SLIT1: variants seen among roughly 807,000 people sequenced by gnomAD.
SLIT1 encodes the protein slit homolog 1 protein.
In SLIT1, 66 loss-of-function variants were observed where a neutral mutation model predicts 186.1. That is an observed-to-expected ratio of 0.35 (90% CI 0.29 to 0.44). The LOEUF is 0.44. Ranked by LOEUF, SLIT1 falls within the 20% of genes least tolerant of loss-of-function variation. The pLI is 1.00. For missense variants in SLIT1, 1,638 were observed against 2,037.4 expected (o/e 0.80, Z 3.77); for synonymous variants, 761 against 833.8 (o/e 0.91, Z 1.50).
intron 4 of SLIT1, among the ~76,000 whole-genome samples, chr10:97,098,047 C>T (rs965556426): frequency 5.9e-5 from 9 of 152,168 alleles, no homozygotes; most frequent in East Asian, 3.9e-4. Flanking sequence ...ATTCTGATTG[C>T]GCTGCCAGCT....
Position 97,166,562 on chromosome 10 carries a change from A to AAG in SLIT1, c.198-1673_198-1672insCT, listed in dbSNP as rs1243204698. On this transcript the variant is annotated intron_variant, in intron 1 of 36. Coordinates refer to ENST00000266058, the MANE Select transcript of SLIT1 (RefSeq NM_003061.3). ...AGGAAGGAAGGAAGGAAGGAAAGAG[A>AAG]GAGAGAGAGAAAGAAAGAAAGAAAG... Among the ~76,000 whole-genome samples the AAG allele has an allele frequency of 1.7e-4, 11 of 66,384 alleles. No homozygotes were observed. In the East Asian group the frequency reaches 3.3e-3, roughly 20 times the overall value. 43.6% of individuals were successfully genotyped at this position (66,384 alleles called of 152,430 possible).
chr10:97,053,283 C>T (rs1449621642), intron 13 of SLIT1, among the ~76,000 whole-genome samples: 13 of 152,206 alleles, frequency 8.5e-5, no homozygotes. Flanking sequence ...GACATTCTGC[C>T]AGCTGCTTAA....
intron 4 of SLIT1, among the ~76,000 whole-genome samples, chr10:97,120,525 A>T (rs2784938): frequency 6.6e-6 from 1 of 152,022 alleles, no homozygotes; most frequent in Non-Finnish European, 1.5e-5. Context: ...GCCGAAACGC[A>T]GTTTCCTGAC....
intron 4 of SLIT1, among the ~76,000 whole-genome samples, chr10:97,067,293 C>T (rs1464896376): frequency 6.6e-6 from 1 of 152,206 alleles, no homozygotes; most frequent in Non-Finnish European, 1.5e-5. Flanking sequence ...GCCCTTCCTC[C>T]ACTCCCTGTC....
intron 4 of SLIT1, among the ~76,000 whole-genome samples, chr10:97,143,198 C>A (rs1301447243): frequency 6.6e-6 from 1 of 152,200 alleles, no homozygotes; most frequent in Non-Finnish European, 1.5e-5. Flanking sequence ...CATAGCAGCA[C>A]TATTCACAAT....
intron 4 of SLIT1, among the ~76,000 whole-genome samples, chr10:97,124,316 CAA>C (rs1004087135): frequency 3.3e-5 from 5 of 152,150 alleles, no homozygotes; most frequent in African/African-American, 1.2e-4. Flanking sequence ...TTTGGACATT[CAA>C]AAGTGTTCTT....
chr10:97,093,071 C>T (rs1160078177), intron 4 of SLIT1, among the ~76,000 whole-genome samples: 1 of 152,210 alleles, frequency 6.6e-6, no homozygotes, highest in Non-Finnish European at 1.5e-5. Context: ...AAACTGCCCT[C>T]CCTGGATTCA....
At chr10:97,120,481 G>A (rs1001695243) in intron 4 of SLIT1, among the ~76,000 whole-genome samples, 4 of 152,202 alleles carry the variant, frequency 2.6e-5, no homozygotes, top group Admixed American at 2.0e-4. Flanking sequence ...ACAAAACTCC[G>A]GGCAGGCTCA....
At chr10:97,113,538 C>T (rs1269283821) in intron 4 of SLIT1, among the ~76,000 whole-genome samples, 2 of 149,084 alleles carry the variant, frequency 1.3e-5, no homozygotes, top group Non-Finnish European at 3.0e-5. Flanking sequence ...ATGCTCAGCC[C>T]CAAACATTTT....
At chr10:97,042,738 C>G (rs12244078) in intron 20 of SLIT1, among the ~76,000 whole-genome samples, 163 bp downstream of exon 20, 29,310 of 152,064 alleles carry the variant, frequency 0.19, 4,317 homozygotes, top group African/African-American at 0.41. Context: ...ACCAGGCAGG[C>G]GCGTCTCCTC....
Position 97,043,396 on chromosome 10 carries a change from G to C in SLIT1, c.1971C>G (p.Phe657Leu). The stretch of plus-strand genomic sequence containing the variant: ...GTGTGGAGAGGGACTGGAGGGTGTC[G>C]AAGGCTCCTGGGGATACGGTGGTGA... ...NQITTVSPGA[F>L]DTLQSLSTLN... The change falls in exon 19 of 37, where the codon TTC becomes TTG. Residue 657 changes from phenylalanine (F) to leucine (L), a missense_variant. Coordinates refer to ENST00000266058, the MANE Select transcript of SLIT1 (RefSeq NM_003061.3). The surrounding 1 kb of genome is among the most constrained non-coding windows in gnomAD (Gnocchi z 7.0). 2 of 1,613,776 alleles carry C rather than the reference G, an allele frequency of 1.2e-6. No individual in the cohort carries two copies. The highest frequency in any genetic ancestry group is 1.7e-6 in the Non-Finnish European group (2 of 1,180,012).
chr10:97,046,374 CA>C (rs998021871), intron 18 of SLIT1, among the ~76,000 whole-genome samples: 5 of 152,206 alleles, frequency 3.3e-5, no homozygotes, highest in African/African-American at 4.8e-5. Context: ...GCAGCCTGAC[CA>C]GAGGGCAATG....
At chr10:97,185,381 G>A in intron 1 of SLIT1, 97 bp downstream of exon 1, 3 of 1,229,990 alleles carry the variant, frequency 2.4e-6, no homozygotes, top group Non-Finnish European at 3.4e-6. Flanking sequence ...GCCCGGACGG[G>A]CCCCAATGGT....
At chr10:97,141,673 T>C (rs556746517) in intron 4 of SLIT1, among the ~76,000 whole-genome samples, 2 of 96,486 alleles carry the variant, frequency 2.1e-5, no homozygotes, top group African/African-American at 6.2e-5. Flanking sequence ...CATTGCATTG[T>C]ATCGTATTGT....
Position 97,004,216 on chromosome 10 carries a change from C to T in SLIT1, c.3717G>A (p.Glu1239=). The T allele has an allele frequency of 6.2e-7, 1 of 1,605,456 alleles. No homozygotes were observed. The highest frequency in any genetic ancestry group is 8.5e-7 in the Non-Finnish European group (1 of 1,172,762). The change falls in exon 34 of 37, where the codon GAG becomes GAA. Residue 1239 remains glutamate, a synonymous_variant. Transcript: ENST00000266058. The surrounding 1 kb of genome is among the most constrained non-coding windows in gnomAD (Gnocchi z 5.1). ...SYPSSAIYSA[E]TINDGQFHTV... is the part of the protein sequence containing the mutation. ...TGTGGAATTGCCCATCGTTGATCGTCTCAGCACTGGAGGAAGAGGGGGTTC... is the reference window on the plus strand; with the variant it reads ...TGTGGAATTGCCCATCGTTGATCGTTTCAGCACTGGAGGAAGAGGGGGTTC...
chr10:97,075,720 G>A (rs1019607741), intron 4 of SLIT1, among the ~76,000 whole-genome samples: 13 of 152,248 alleles, frequency 8.5e-5, no homozygotes, highest in Non-Finnish European at 1.6e-4. Context: ...CGTCATCCCC[G>A]GGAAGTTTGA....
intron 25 of SLIT1, among the ~76,000 whole-genome samples, chr10:97,023,866 C>T (rs533160228): frequency 2.2e-4 from 34 of 152,090 alleles, no homozygotes; most frequent in African/African-American, 7.0e-4. Context: ...TCACTTAACC[C>T]GGGAGGGGGA....
intron 23 of SLIT1, 100 bp from the exon 24 acceptor site, chr10:97,031,777 C>G: frequency 1.1e-6 from 1 of 891,674 alleles, no homozygotes; most frequent in East Asian, 2.7e-5. Flanking sequence ...ACCCAGCAGC[C>G]TCCTCGGGCT....
intron 3 of SLIT1, among the ~76,000 whole-genome samples, chr10:97,162,118 T>C (rs1589416824): frequency 6.6e-6 from 1 of 152,346 alleles, no homozygotes; most frequent in East Asian, 1.9e-4. Flanking sequence ...TAATGAGAGT[T>C]AGTGGTTCCA....
Sources: gnomAD v4.1 joint callset for allele counts (sites outside exome capture counted in the v4.1 genomes callset) on GRCh38, gnomAD v4.1.1 for gene constraint, Gnocchi (gnomAD v3.1) non-coding constraint, MANE v1.5 for transcripts, NCBI Gene and HGNC (gene_info 2026-07-23, HGNC 2026-07-21) for gene names.